The following KCNH1 variants were observed in gnomAD, a reference collection of about 807,000 sequenced individuals.
The protein encoded by KCNH1 is voltage-gated delayed rectifier potassium channel KCNH1.
In KCNH1, 27 loss-of-function variants were observed where a neutral mutation model predicts 69.2. The observed-to-expected ratio is 0.39, with a 90% CI of 0.29 to 0.54. KCNH1 has a LOEUF of 0.54. KCNH1 is among the 20% of genes least tolerant of loss of function. The probability of loss-of-function intolerance (pLI) is 0.68; values close to 1 mark genes in which losing one functional copy is unlikely to be tolerated. For synonymous variants in KCNH1, 456 were observed against 487.7 expected (o/e 0.93, Z 0.86); for missense variants, 798 against 1,261.6 (o/e 0.63, Z 5.57).
At chr1:211,081,198 C>A (rs12566322) in intron 5 of KCNH1, among the ~76,000 whole-genome samples, 61,053 of 151,542 alleles carry the variant, frequency 0.4, 12,758 homozygotes, top group Admixed American at 0.46. Flanking sequence ...ATTTATGCAG[C>A]CAACAGACAC....
chr1:211,046,504 A>G (rs942543876), intron 5 of KCNH1, among the ~76,000 whole-genome samples: 7 of 152,168 alleles, frequency 4.6e-5, no homozygotes, highest in African/African-American at 1.7e-4. Context: ...AGCCCTTTAT[A>G]TTTAGTTCAT....
chr1:210,789,957 A>C (rs929267433), intron 9 of KCNH1, among the ~76,000 whole-genome samples: 4 of 152,206 alleles, frequency 2.6e-5, no homozygotes, highest in Non-Finnish European at 4.4e-5. Flanking sequence ...GCTGGAGTGC[A>C]GTAGCTATTC....
Position 210,956,364 on chromosome 1 carries a change from T to C in KCNH1, c.1033-36295A>G, listed in dbSNP as rs549424723. Among the ~76,000 whole-genome samples the C allele has an allele frequency of 3.3e-5, 5 of 152,216 alleles. No individual in the cohort carries two copies. The South Asian group carries it at 1.0e-3, about 32-fold the overall frequency. On this transcript the variant is annotated intron_variant, in intron 6 of 10. Transcript: ENST00000271751. The stretch of plus-strand genomic sequence containing the variant: ...TCAGGGATATTGGTCTAAAATTCTC[T>C]TTTTTTGTTGTGTCTCTGCCAGGCT...
Position 210,797,592 on chromosome 1 carries a change from C to A in KCNH1, c.1831G>T (p.Ala611Ser), listed in dbSNP as rs1383990598. ...HCAPGDLIYH[A>S]GESVDSLCFV... ...CAGAGGCTGTCAACGCTCTCTCCTGCATGGTAGATGAGGTCCCCTGGGGCA... is the reference window on the plus strand; with the variant it reads ...CAGAGGCTGTCAACGCTCTCTCCTGAATGGTAGATGAGGTCCCCTGGGGCA... The change falls in exon 9 of 11, where the codon GCA becomes TCA. Residue 611 changes from alanine to serine, a missense_variant. Physicochemically the swap from Ala to Ser is moderately conservative, Grantham distance 99. This residue lies in a region of KCNH1 where 197 missense variants were observed against 407.7 expected (regional missense o/e 0.48). Coordinates refer to ENST00000271751, the MANE Select transcript of KCNH1 (RefSeq NM_172362.3). The A allele has an allele frequency of 5.6e-6, 9 of 1,614,116 alleles. No homozygotes were observed. The highest frequency in any genetic ancestry group is 7.6e-6 in the Non-Finnish European group (9 of 1,180,052).
intron 7 of KCNH1, chr1:210,859,292 T>C (rs1685922813): frequency 5.1e-6 from 8 of 1,563,506 alleles, no homozygotes; most frequent in Middle Eastern, 1.7e-4. Flanking sequence ...TCTTCTTTGA[T>C]TGGCCAGAGT....
chr1:211,050,058 C>G (rs141255282), intron 5 of KCNH1, among the ~76,000 whole-genome samples: 1 of 151,926 alleles, frequency 6.6e-6, no homozygotes, highest in Admixed American at 6.6e-5. Context: ...CCACCATCAC[C>G]ATCATCTACA....
intron 6 of KCNH1, among the ~76,000 whole-genome samples, chr1:211,001,156 G>C (rs1422649302): frequency 6.6e-6 from 1 of 152,120 alleles, no homozygotes; most frequent in African/African-American, 2.4e-5. Context: ...AGACAAAATT[G>C]ACAAATGGGA....
intron 6 of KCNH1, among the ~76,000 whole-genome samples, chr1:211,001,842 G>T (rs915321889): frequency 6.6e-6 from 1 of 151,586 alleles, no homozygotes; most frequent in Non-Finnish European, 1.5e-5. Flanking sequence ...CCATAAAAAG[G>T]ATGAGTTCAT....
chr1:210,686,610 GT>G (rs1370708140), intron 10 of KCNH1, among the ~76,000 whole-genome samples: 1 of 152,198 alleles, frequency 6.6e-6, no homozygotes, highest in Non-Finnish European at 1.5e-5. Context: ...AGAGAAATGG[GT>G]GAGAATGTGA....
At chr1:210,714,611 C>A (rs1682175271) in intron 10 of KCNH1, among the ~76,000 whole-genome samples, 1 of 152,146 alleles carries the variant, frequency 6.6e-6, no homozygotes, top group Non-Finnish European at 1.5e-5. Context: ...TTCATCCATT[C>A]ACTCATTCTT....
At chr1:211,012,391 T>TA (rs1210004001) in intron 6 of KCNH1, among the ~76,000 whole-genome samples, 1 of 152,150 alleles carries the variant, frequency 6.6e-6, no homozygotes, top group African/African-American at 2.4e-5. Context: ...ACCAGTGCTA[T>TA]AGAGTGATGA....
intron 5 of KCNH1, among the ~76,000 whole-genome samples, chr1:211,054,142 C>T (rs1478112950): frequency 4.0e-5 from 6 of 151,662 alleles, no homozygotes; most frequent in Admixed American, 6.6e-5. Context: ...ATTAGCTGGG[C>T]GTGGTGGTGC....
chr1:210,937,218 T>TAC (rs1286525010), intron 6 of KCNH1, among the ~76,000 whole-genome samples: 1 of 152,220 alleles, frequency 6.6e-6, no homozygotes, highest in Non-Finnish European at 1.5e-5. Flanking sequence ...TCTCAGAATC[T>TAC]ACCTTCCCAA....
At chr1:210,976,605 A>G (rs1688616046) in intron 6 of KCNH1, among the ~76,000 whole-genome samples, 1 of 145,310 alleles carries the variant, frequency 6.9e-6, no homozygotes. Flanking sequence ...ATTACTGGGT[A>G]TATACCCAAA....
intron 3 of KCNH1, among the ~76,000 whole-genome samples, chr1:211,102,025 C>T (rs1691267388): frequency 6.6e-6 from 1 of 152,190 alleles, no homozygotes; most frequent in Non-Finnish European, 1.5e-5. Flanking sequence ...GGTAGCCCAT[C>T]ATTTGATCTA....
At position 210,935,154 on chromosome 1, in the gene KCNH1, ACACACACACACG is replaced by A. The variant is rs1687754847; in HGVS notation, c.1033-15097_1033-15086del. Among the ~76,000 whole-genome samples the A allele has an allele frequency of 2.3e-5, 3 of 129,310 alleles. No individual in the cohort carries two copies. In the South Asian group the frequency reaches 7.8e-4, roughly 34 times the overall value. The allele number at this position is 129,310 out of a possible 152,430, so 84.8% of individuals were successfully genotyped here. On this transcript the variant is annotated intron_variant, in intron 6 of 10. Transcript: ENST00000271751. ...CACACACACACACACACACACACAC[ACACACACACACG>A]AATAGTATTCAGCCATAAAAAAAAA...
chr1:210,974,362 C>G (rs576526991), intron 6 of KCNH1, among the ~76,000 whole-genome samples: 1 of 151,904 alleles, frequency 6.6e-6, no homozygotes, highest in Non-Finnish European at 1.5e-5. Flanking sequence ...CCATGTATTC[C>G]TCAGATAAAT....
At chr1:210,806,502 G>T (rs74404729) in intron 7 of KCNH1, among the ~76,000 whole-genome samples, 3,860 of 151,718 alleles carry the variant, frequency 0.025, 113 homozygotes, top group East Asian at 0.15. Context: ...ATGGGTTGTG[G>T]TATCATTTTT....
rs1232621662 is a variant in KCNH1, at chr1:211,060,363, T to G, written c.558+22417A>C. On this transcript the variant is annotated intron_variant, in intron 5 of 10. Coordinates refer to ENST00000271751, the MANE Select transcript of KCNH1 (RefSeq NM_172362.3). ...TTGCAGTGAGCCGAGATCGCGCCACTGCACTCCAGCCTGGGCGACAGAGCG... is the reference window on the plus strand; with the variant it reads ...TTGCAGTGAGCCGAGATCGCGCCACGGCACTCCAGCCTGGGCGACAGAGCG... Among the ~76,000 whole-genome samples the G allele has an allele frequency of 5.9e-5, 7 of 117,946 alleles. No homozygotes were observed. The Admixed American group carries it at 8.5e-4, about 14-fold the overall frequency. 77.4% of individuals were successfully genotyped at this position (117,946 alleles called of 152,430 possible).
Sources: gnomAD v4.1 joint callset for allele counts (sites outside exome capture counted in the v4.1 genomes callset) on GRCh38, gnomAD v4.1.1 for gene constraint, gnomAD v4.1.1 regional missense constraint, MANE v1.5 for transcripts, NCBI Gene and HGNC (gene_info 2026-07-23, HGNC 2026-07-21) for gene names.